KLF12: variants seen among roughly 807,000 people sequenced by gnomAD.
KLF12 encodes KLF transcription factor 12, also known as Krueppel-like factor 12.
In KLF12, 9 loss-of-function variants were observed where a neutral mutation model predicts 37.8. The ratio of observed to expected loss-of-function variants is 0.24; its 90% confidence interval spans 0.14 to 0.42. The LOEUF (loss-of-function observed/expected upper bound fraction) is 0.42, where lower values mean the gene tolerates loss of function less well. Ranked by LOEUF, KLF12 falls within the 10% of genes least tolerant of loss-of-function variation. KLF12 has a pLI of 1.00. For missense variants in KLF12, 411 were observed against 516.0 expected (o/e 0.80, Z 1.97); for synonymous variants, 208 against 202.1 (o/e 1.03, Z -0.25).
At chr13:74,190,797 G>A in the KLF12 span, among the ~76,000 whole-genome samples, 1 of 152,042 alleles carries the variant, frequency 6.6e-6, no homozygotes, top group Non-Finnish European at 1.5e-5. Context: ...AAGTAACCCC[G>A]GCTACTGACA....
At chr13:73,969,933 CAT>C (rs533389870) in intron 2 of KLF12, among the ~76,000 whole-genome samples, 56 of 152,292 alleles carry the variant, frequency 3.7e-4, no homozygotes, top group Admixed American at 1.1e-3. Flanking sequence ...TTGTTCTTAA[CAT>C]AGAGACCTCC....
In KLF12 at chr13:73,847,018, T is replaced by C. The variant is rs371092130; in HGVS notation, c.124-645A>G. 1.8e-4 allele frequency among the ~76,000 whole-genome samples: 27 copies of C among 152,200 alleles called. 1 individual carries two copies. The highest frequency in any genetic ancestry group is 4.6e-4 in the African/African-American group (19 of 41,470). ...ATTTTCATTTAATCTGAAATAATGA[T>C]GATAATGTTGTTCAAGTTCACCTGC... On this transcript the variant is annotated intron_variant, in intron 3 of 7. Coordinates refer to ENST00000377669, the MANE Select transcript of KLF12 (RefSeq NM_007249.5).
chr13:73,897,554 TCTC>T (rs34253322), intron 3 of KLF12, among the ~76,000 whole-genome samples: 33,887 of 151,828 alleles, frequency 0.22, 4,798 homozygotes, highest in East Asian at 0.57. Context: ...CTCATTCATG[TCTC>T]CTCCTTTTTC....
At chr13:73,812,140 T>C (rs1248097661) in intron 5 of KLF12, among the ~76,000 whole-genome samples, 1 of 146,528 alleles carries the variant, frequency 6.8e-6, no homozygotes, top group African/African-American at 2.5e-5. Context: ...AGAAGACACA[T>C]ATTGTATGAC....
intron 4 of KLF12, among the ~76,000 whole-genome samples, chr13:73,834,932 G>A (rs1884352032): frequency 6.6e-6 from 1 of 152,084 alleles, no homozygotes; most frequent in Admixed American, 6.6e-5. Flanking sequence ...CTTCCATTTA[G>A]CCAACAAACC....
At chr13:74,273,831 G>A in the KLF12 span, among the ~76,000 whole-genome samples, 1 of 152,092 alleles carries the variant, frequency 6.6e-6, no homozygotes, top group Non-Finnish European at 1.5e-5. Flanking sequence ...GTTGAAGACA[G>A]TCTTCCACCC....
At chr13:73,760,780 G>A (rs927178949) in intron 6 of KLF12, among the ~76,000 whole-genome samples, 1 of 152,074 alleles carries the variant, frequency 6.6e-6, no homozygotes, top group East Asian at 1.9e-4. Context: ...ATCAAGCAAC[G>A]ACACATGCCC....
chr13:74,221,979 C>T, the KLF12 span, among the ~76,000 whole-genome samples: 4 of 152,196 alleles, frequency 2.6e-5, no homozygotes, highest in Non-Finnish European at 5.9e-5. Flanking sequence ...ACTCTGCTGG[C>T]TGGTTTCCTT....
At chr13:74,002,716 T>C (rs1892312489) in intron 1 of KLF12, among the ~76,000 whole-genome samples, 1 of 152,140 alleles carries the variant, frequency 6.6e-6, no homozygotes, top group Admixed American at 6.5e-5. Flanking sequence ...AATGGAAAAA[T>C]ACTAAAATTG....
intron 3 of KLF12, among the ~76,000 whole-genome samples, chr13:73,857,425 A>G (rs1419489493): frequency 6.6e-6 from 1 of 152,258 alleles, no homozygotes; most frequent in Non-Finnish European, 1.5e-5. Flanking sequence ...TTGAGAGTCT[A>G]GGGAAACTTC....
intron 3 of KLF12, among the ~76,000 whole-genome samples, chr13:73,874,958 G>C (rs1423655947): frequency 6.6e-6 from 1 of 151,876 alleles, no homozygotes; most frequent in Non-Finnish European, 1.5e-5. Context: ...TTTTAAATAG[G>C]TATTTTAATT....
At chr13:74,239,719 CT>C in the KLF12 span, among the ~76,000 whole-genome samples, 18 of 149,660 alleles carry the variant, frequency 1.2e-4, no homozygotes, top group South Asian at 3.2e-3. Context: ...CTCTTTTGAT[CT>C]TTGTTGGTTT....
At chr13:73,896,876 C>A (rs1034439201) in intron 3 of KLF12, among the ~76,000 whole-genome samples, 1 of 152,058 alleles carries the variant, frequency 6.6e-6, no homozygotes, top group South Asian at 2.1e-4. Context: ...GTATTTGGAA[C>A]GTTGAAGACT....
intron 4 of KLF12, among the ~76,000 whole-genome samples, chr13:73,825,018 G>A (rs1883757629): frequency 6.6e-6 from 1 of 151,840 alleles, no homozygotes; most frequent in Admixed American, 6.6e-5. Context: ...GCAGTGCGCT[G>A]AGATTGCACC....
chr13:74,173,526 TC>T, the KLF12 span, among the ~76,000 whole-genome samples: 1 of 152,194 alleles, frequency 6.6e-6, no homozygotes, highest in South Asian at 2.1e-4. Flanking sequence ...CTGTTGTTTT[TC>T]CCCTTTCCAC....
intron 1 of KLF12, among the ~76,000 whole-genome samples, chr13:74,047,780 G>A (rs557502735): frequency 6.6e-6 from 1 of 152,240 alleles, no homozygotes; most frequent in African/African-American, 2.4e-5. Flanking sequence ...TCTTAAACAC[G>A]GCTTCACCTC....
At chr13:73,711,599 T>C (rs1309181989) in intron 7 of KLF12, among the ~76,000 whole-genome samples, 1 of 152,184 alleles carries the variant, frequency 6.6e-6, no homozygotes, top group Non-Finnish European at 1.5e-5. Context: ...AAGCCCACTG[T>C]TGAGGCCTAC....
At chr13:74,060,069 C>A (rs1450939648) in intron 1 of KLF12, among the ~76,000 whole-genome samples, 1 of 152,120 alleles carries the variant, frequency 6.6e-6, no homozygotes, top group African/African-American at 2.4e-5. Flanking sequence ...CAGTTGGTTG[C>A]AGTATGTGGC....
the KLF12 span, among the ~76,000 whole-genome samples, chr13:74,233,163 G>A: frequency 5.3e-5 from 8 of 152,270 alleles, no homozygotes; most frequent in East Asian, 7.7e-4. Flanking sequence ...GATTACAAGC[G>A]TGAGCCACCG....
Sources: allele counts gnomAD v4.1 joint callset (sites outside exome capture counted in the v4.1 genomes callset), GRCh38; gene constraint gnomAD v4.1.1; transcripts MANE v1.5; gene names NCBI Gene and HGNC (gene_info 2026-07-23, HGNC 2026-07-21).